RESF1: variants seen among roughly 807,000 people sequenced by gnomAD.
RESF1 encodes the protein retroelement silencing factor 1.
A neutral mutation model predicts 134.7 loss-of-function variants in RESF1; 65 were observed. The ratio of observed to expected loss-of-function variants is 0.48; its 90% CI spans 0.40 to 0.59. RESF1 has a LOEUF of 0.59. Ranked by LOEUF, RESF1 falls within the 20% of genes least tolerant of loss-of-function variation. The pLI, the probability that RESF1 is intolerant of heterozygous loss-of-function variation, is 0.00. For synonymous variants in RESF1, 762 were observed against 702.2 expected (o/e 1.09, Z -1.35); for missense variants, 2,274 against 2,002.7 (o/e 1.14, Z -2.59).
rs143975146 is a variant in RESF1, at chr12:31,963,204, G to A, written c.-247+2333G>A. Among the ~76,000 whole-genome samples the A allele has an allele frequency of 1.7e-3, 254 of 152,276 alleles. 1 individual carries two copies. In the East Asian group the frequency reaches 0.025, roughly 15 times the overall value. ...CAGGTGAAACCCCAAAATTAGCCAG[G>A]TGTGGTGGCATGCGCCTGTAGTCCC... On this transcript the variant is annotated intron_variant, in intron 2 of 5. Transcript: ENST00000312561.
intron 5 of RESF1, among the ~76,000 whole-genome samples, chr12:31,990,050 A>G (rs987582718): frequency 2.0e-5 from 3 of 152,188 alleles, no homozygotes; most frequent in Non-Finnish European, 4.4e-5. Flanking sequence ...AATGGGTACG[A>G]AGATTGGAGT....
chr12:31,975,486 T>G (rs1418829922), intron 3 of RESF1, among the ~76,000 whole-genome samples: 1 of 152,220 alleles, frequency 6.6e-6, no homozygotes, highest in East Asian at 1.9e-4. Context: ...GCATCTACTA[T>G]TATAAGAGAG....
intron 3 of RESF1, among the ~76,000 whole-genome samples, chr12:31,971,481 T>G (rs550573573): frequency 1.3e-5 from 2 of 152,346 alleles, no homozygotes; most frequent in Admixed American, 1.3e-4. Context: ...GTGATACTTT[T>G]TCATCATTTT....
Position 31,987,168 on chromosome 12 carries a change from T to G in RESF1, c.5003-71T>G, listed in dbSNP as rs888366665. 3.7e-6 allele frequency: 3 copies of G among 813,570 alleles called. No homozygotes were observed. The Admixed American group carries it at 7.7e-5, about 21-fold the overall frequency. The allele number at this position is 813,570 out of a possible 1,614,324, so 50.4% of individuals were successfully genotyped here. On this transcript the variant is annotated intron_variant, in intron 4 of 5. Transcript: ENST00000312561. ...CAAAATCTATTTTCAGCTTACATGA[T>G]TTTCCTTTGTTATAGTACTAAAGGA...
chr12:31,983,784 A>G lies in RESF1; in HGVS notation c.2829A>G (p.Leu943=), dbSNP rs1293305662. The stretch of plus-strand genomic sequence containing the variant: ...GCAGCAGAGAACCAGAAAAACAATT[A>G]GATAATACCACTGAAAATAAAGACT... The part of the protein sequence containing the change: ...GIGSREPEKQ[L]DNTTENKDFG... Residue 943 remains leucine, a synonymous_variant, in exon 4 of 6, where the codon TTA becomes TTG. Coordinates refer to ENST00000312561, the MANE Select transcript of RESF1 (RefSeq NM_018169.4). 6.2e-7 allele frequency: 1 copy of G among 1,613,170 alleles called. No homozygotes were observed.
chr12:31,976,896 C>T (rs1242292772), intron 3 of RESF1, among the ~76,000 whole-genome samples: 5 of 152,148 alleles, frequency 3.3e-5, no homozygotes, highest in African/African-American at 4.8e-5. Flanking sequence ...CAAGGATCAA[C>T]TGTAGTGTCT....
chr12:31,984,169 C>T lies in RESF1; in HGVS notation c.3214C>T (p.Arg1072Cys), dbSNP rs200618540. The change falls in exon 4 of 6, where the codon CGT becomes TGT. Residue 1072 changes from arginine to cysteine, a missense_variant. Arg to Cys is a radical substitution (Grantham distance 180). Coordinates refer to ENST00000312561, the MANE Select transcript of RESF1 (RefSeq NM_018169.4). ...TTATGGCATTGAGGCTGTGAATACACGTGAAGGTTCTGTGGGCCAGCAAAC... is the reference window on the plus strand; with the variant it reads ...TTATGGCATTGAGGCTGTGAATACATGTGAAGGTTCTGTGGGCCAGCAAAC... ...FPYGIEAVNT[R>C]EGSVGQQTTY... The T allele has an allele frequency of 1.6e-5, 25 of 1,612,826 alleles. No individual in the cohort carries two copies. The highest frequency in any genetic ancestry group is 1.2e-4 in the South Asian group (11 of 90,856).
chr12:31,981,877 A>G lies in RESF1; in HGVS notation c.922A>G (p.Ser308Gly). The change falls in exon 4 of 6, where the codon AGT (serine) becomes GGT (glycine). Residue 308 changes from serine (S) to glycine (G), a missense_variant. Ser to Gly is a moderately conservative substitution (Grantham distance 56). Transcript: ENST00000312561. The part of the protein sequence containing the change: ...TKHLSMEVPQ[S>G]REMLSSEIRT... ...ACACTTGTCTATGGAAGTTCCTCAGAGTCGAGAAATGCTGTCATCTGAAAT... is the reference window on the plus strand; with the variant it reads ...ACACTTGTCTATGGAAGTTCCTCAGGGTCGAGAAATGCTGTCATCTGAAAT... The G allele has an allele frequency of 3.1e-6, 5 of 1,614,150 alleles. No homozygotes were observed. The highest frequency in any genetic ancestry group is 4.2e-6 in the Non-Finnish European group (5 of 1,180,026).
In RESF1 at chr12:31,985,347, G is replaced by A. The variant is rs541520692; in HGVS notation, c.4392G>A (p.Ser1464=). ...AAGAAGCTCTGAGTAATAAAGCATCGAAGAAAATCTGTGTGAAAAACGTGC... is the reference window on the plus strand; with the variant it reads ...AAGAAGCTCTGAGTAATAAAGCATCAAAGAAAATCTGTGTGAAAAACGTGC... ...KHKEALSNKA[S]KKICVKNVPC... The change falls in exon 4 of 6, where the codon TCG becomes TCA. Residue 1464 remains serine, a synonymous_variant. Transcript: ENST00000312561. 6.2e-6 allele frequency: 10 copies of A among 1,610,510 alleles called. No homozygotes were observed. The highest frequency in any genetic ancestry group is 3.4e-5 in the Admixed American group (2 of 59,034).
intron 5 of RESF1, among the ~76,000 whole-genome samples, chr12:31,990,584 GC>G (rs1260620381): frequency 6.6e-6 from 1 of 152,158 alleles, no homozygotes; most frequent in African/African-American, 2.4e-5. Flanking sequence ...CTCCTGAGTA[GC>G]GTGAACCACC....
At chr12:31,974,512 T>C (rs1592255146) in intron 3 of RESF1, among the ~76,000 whole-genome samples, 2 of 152,250 alleles carry the variant, frequency 1.3e-5, no homozygotes, top group South Asian at 2.1e-4. Flanking sequence ...GTCTTCTTGC[T>C]GTGTCCTAAC....
At chr12:31,973,866 C>T (rs1232398696) in intron 3 of RESF1, among the ~76,000 whole-genome samples, 1 of 152,142 alleles carries the variant, frequency 6.6e-6, no homozygotes, top group Non-Finnish European at 1.5e-5. Flanking sequence ...CTGACAACAA[C>T]TGGGTGTCCT....
chr12:31,980,763 A>C (rs1227157152), intron 3 of RESF1, 115 bp from the exon 4 acceptor site: 2 of 495,110 alleles, frequency 4.0e-6, no homozygotes, highest in Admixed American at 7.6e-5. Flanking sequence ...TCCCAAATTA[A>C]AGATGAGGCT....
chr12:31,986,016 T>A, intron 4 of RESF1, 59 bp downstream of exon 4: 1 of 1,189,250 alleles, frequency 8.4e-7, no homozygotes. Context: ...AGGTCAATAT[T>A]TGGGCTAGCA....
intron 5 of RESF1, among the ~76,000 whole-genome samples, chr12:31,990,479 G>A (rs906351263): frequency 2.6e-5 from 4 of 151,846 alleles, no homozygotes; most frequent in Non-Finnish European, 4.4e-5. Flanking sequence ...AGACAGTCTC[G>A]CTGTGTCGCC....
intron 3 of RESF1, among the ~76,000 whole-genome samples, chr12:31,975,219 C>T (rs561064607): frequency 6.6e-6 from 1 of 151,834 alleles, no homozygotes; most frequent in South Asian, 2.1e-4. Context: ...GGTTGCAGAT[C>T]GTGCCACTGC....
intron 3 of RESF1, among the ~76,000 whole-genome samples, chr12:31,970,927 A>G (rs1207577967): frequency 6.6e-6 from 1 of 152,008 alleles, no homozygotes; most frequent in Non-Finnish European, 1.5e-5. Context: ...AACACTTTGA[A>G]CTCTGTTGGT....
At chr12:31,960,656 A>G (rs1041839425) in intron 1 of RESF1, 121 bp from the exon 2 acceptor site, 3 of 152,252 alleles carry the variant, frequency 2.0e-5, no homozygotes, top group Non-Finnish European at 4.4e-5. Context: ...ATAAGAATTC[A>G]GTAAACTTAG....
At chr12:31,976,076 T>C (rs1939623623) in intron 3 of RESF1, among the ~76,000 whole-genome samples, 1 of 152,216 alleles carries the variant, frequency 6.6e-6, no homozygotes, top group South Asian at 2.1e-4. Context: ...TGTTCCATTT[T>C]CTTGCCAACA....
Sources: allele counts gnomAD v4.1 joint callset (sites outside exome capture counted in the v4.1 genomes callset), GRCh38; gene constraint gnomAD v4.1.1; transcripts MANE v1.5; gene names NCBI Gene and HGNC (gene_info 2026-07-23, HGNC 2026-07-21).